The following SLC25A27 variants were observed in gnomAD, a reference collection of about 807,000 sequenced individuals.
SLC25A27 encodes mitochondrial uncoupling protein 4.
In SLC25A27, 35 loss-of-function variants were observed where a neutral mutation model predicts 49.1. The ratio of observed to expected loss-of-function variants is 0.71; its 90% CI spans 0.54 to 0.95. The LOEUF (loss-of-function observed/expected upper bound fraction) is 0.95. SLC25A27 is among the 40% of genes least tolerant of loss of function. SLC25A27 has a pLI of 0.00. For missense variants in SLC25A27, 339 were observed against 397.1 expected, an observed-to-expected ratio of 0.85 and a Z score of 1.24; for synonymous variants, 144 against 136.9, an observed-to-expected ratio of 1.05 and a Z score of -0.36.
chr6:46,674,591 T>C (rs1287721663), intron 8 of SLC25A27, among the ~76,000 whole-genome samples: 1 of 152,166 alleles, frequency 6.6e-6, no homozygotes, highest in Non-Finnish European at 1.5e-5. Flanking sequence ...AGAAACCTAA[T>C]TCATGAGCAT....
intron 6 of SLC25A27, 72 bp downstream of exon 6, chr6:46,668,865 C>A: frequency 1.2e-6 from 1 of 859,368 alleles, no homozygotes; most frequent in Non-Finnish European, 1.9e-6. Flanking sequence ...GACATAAATT[C>A]TTTAGGCTCA....
In SLC25A27 at chr6:46,655,535, G is replaced by GTTTTTTTTTTT. The variant is rs773585919; in HGVS notation, c.107-280_107-270dup. Among the ~76,000 whole-genome samples, 25 of 10,692 alleles carry GTTTTTTTTTTT rather than the reference G, an allele frequency of 2.3e-3. 3 individuals carry two copies. Among genetic ancestry groups the GTTTTTTTTTTT allele is most frequent in the Non-Finnish European group, 3.9e-3 (19 of 4,928 alleles). The allele number at this position is 10,692 out of a possible 152,430, so 7.0% of individuals were successfully genotyped here. On this transcript the variant is annotated intron_variant, in intron 1 of 8. Coordinates refer to ENST00000371347, the MANE Select transcript of SLC25A27 (RefSeq NM_004277.5). ...ATTTTAATTTTTATTGTTAATGTTTGTTTTTTTTTTTTTTTTTTTTTTTTT... is the reference window on the plus strand; with the variant it reads ...ATTTTAATTTTTATTGTTAATGTTTGTTTTTTTTTTTTTTTTTTTTTTTTTTTTTTTTTTTT...
intron 2 of SLC25A27, among the ~76,000 whole-genome samples, chr6:46,657,309 A>G (rs997041925): frequency 6.6e-6 from 1 of 152,052 alleles, no homozygotes; most frequent in African/African-American, 2.4e-5. Flanking sequence ...CTAAAAATAC[A>G]AAAATTAGCC....
At chr6:46,658,915 A>G (rs1444598961) in intron 2 of SLC25A27, 47 bp from the exon 3 acceptor site, 8 of 1,232,024 alleles carry the variant, frequency 6.5e-6, no homozygotes, top group Non-Finnish European at 9.6e-6. Context: ...ATAAGCATAT[A>G]GATACATATA....
chr6:46,662,480 T>G lies in SLC25A27; in HGVS notation c.488T>G (p.Leu163Arg). The change falls in exon 4 of 9, where the codon CTG (leucine) becomes CGG (arginine). Residue 163 changes from leucine to arginine, a missense_variant. Transcript: ENST00000371347. ...VQMQMEGKRK[L>R]EGKPLRFRGV... ...ATGCAAATGGAAGGAAAAAGGAAAC[T>G]GGAAGGAAAACCATTGCGGTAAGTT... 1.2e-6 allele frequency: 2 copies of G among 1,613,946 alleles called. No individual in the cohort carries two copies. The highest frequency in any genetic ancestry group is 1.7e-6 in the Non-Finnish European group (2 of 1,179,920).
At chr6:46,666,483 C>G (rs555435701) in intron 5 of SLC25A27, among the ~76,000 whole-genome samples, 2 of 152,114 alleles carry the variant, frequency 1.3e-5, no homozygotes, top group African/African-American at 4.8e-5. Flanking sequence ...AATATAGCAC[C>G]TAAACATCAA....
At chr6:46,664,424 C>A (rs1055296676) in intron 4 of SLC25A27, among the ~76,000 whole-genome samples, 1 of 151,982 alleles carries the variant, frequency 6.6e-6, no homozygotes. Flanking sequence ...TAAAATTAAC[C>A]CAGAATCTGA....
At chr6:46,670,386 A>G (rs1763486125) in intron 7 of SLC25A27, 159 bp downstream of exon 7, 1 of 581,442 alleles carries the variant, frequency 1.7e-6, no homozygotes, top group African/African-American at 1.9e-5. Flanking sequence ...TCTTTGATGA[A>G]AAAGTGACAT....
chr6:46,653,975 T>C (rs1762873538), intron 1 of SLC25A27: 1 of 701,266 alleles, frequency 1.4e-6, no homozygotes, highest in African/African-American at 1.9e-5. Flanking sequence ...AGAAAGACAA[T>C]TATAATGTGC....
chr6:46,656,377 G>T (rs1181045653), intron 2 of SLC25A27, among the ~76,000 whole-genome samples: 2 of 143,756 alleles, frequency 1.4e-5, no homozygotes, highest in African/African-American at 5.2e-5. Flanking sequence ...AGAGAGTCTC[G>T]CTCTGTTGCC....
chr6:46,656,845 C>G (rs1260931863), intron 2 of SLC25A27, among the ~76,000 whole-genome samples: 1 of 152,162 alleles, frequency 6.6e-6, no homozygotes, highest in South Asian at 2.1e-4. Context: ...ATCTGTAAAC[C>G]ACTTTAAAAT....
rs1235342530 is a variant in SLC25A27 at position 46,677,781 on chromosome 6, T to G, written c.*1327T>G. ...GGCCTTGGAGCCAGCCAAACAGAAT[T>G]TGTTCTAATGGACATGGATGATGTT... On this transcript the variant is annotated 3_prime_UTR_variant, in exon 9 of 9. Coordinates refer to ENST00000371347, the MANE Select transcript of SLC25A27 (RefSeq NM_004277.5). 6.6e-6 allele frequency: 1 copy of G among 152,540 alleles called. No individual in the cohort carries two copies. Among genetic ancestry groups the G allele is most frequent in the South Asian group, 2.1e-4 (1 of 4,830 alleles). The allele number at this position is 152,540 out of a possible 1,614,324, so 9.4% of individuals were successfully genotyped here.
chr6:46,655,791 G>A lies in SLC25A27; in HGVS notation c.107-52G>A, dbSNP rs979771669. Reference sequence around the variant, plus strand: ...ATTACTCCTATGATTTTAGATTTTTGTTTGTTTCTCTGAATGTTGTGGGTT... The same window carrying A: ...ATTACTCCTATGATTTTAGATTTTTATTTGTTTCTCTGAATGTTGTGGGTT... On this transcript the variant is annotated intron_variant, in intron 1 of 8. Coordinates refer to ENST00000371347, the MANE Select transcript of SLC25A27 (RefSeq NM_004277.5). 7 of 1,512,130 alleles carry A rather than the reference G, an allele frequency of 4.6e-6. No individual in the cohort carries two copies. The African/African-American group carries it at 8.4e-5, about 18-fold the overall frequency. 93.7% of individuals were successfully genotyped at this position (1,512,130 alleles called of 1,614,324 possible). A position where few individuals can be genotyped will look rare whatever the true frequency, so the allele number is the denominator to read the frequency against.
At position 46,663,910 on chromosome 6, in the gene SLC25A27, A is replaced by G. The variant is rs538441065; in HGVS notation, c.507-864A>G. On this transcript the variant is annotated intron_variant, in intron 4 of 8. Transcript: ENST00000371347. Reference sequence around the variant, plus strand: ...TTATATACCTCACAGAATTTTCAGTATTAACATGCATCTCATGTATATTAA... The same window carrying G: ...TTATATACCTCACAGAATTTTCAGTGTTAACATGCATCTCATGTATATTAA... Among the ~76,000 whole-genome samples the G allele has an allele frequency of 3.9e-5, 6 of 152,356 alleles. No homozygotes were observed. The East Asian group carries it at 1.2e-3, about 29-fold the overall frequency.
chr6:46,659,747 C>G, intron 3 of SLC25A27, among the ~76,000 whole-genome samples: 1 of 151,762 alleles, frequency 6.6e-6, no homozygotes. Flanking sequence ...CCAAGCTACA[C>G]AGGAGGCTGA....
At chr6:46,656,853 A>T (rs1762999407) in intron 2 of SLC25A27, among the ~76,000 whole-genome samples, 1 of 152,236 alleles carries the variant, frequency 6.6e-6, no homozygotes, top group Non-Finnish European at 1.5e-5. Context: ...ACCACTTTAA[A>T]ATATTTAATT....
At chr6:46,665,815 C>G (rs1763307999) in intron 5 of SLC25A27, among the ~76,000 whole-genome samples, 2 of 152,172 alleles carry the variant, frequency 1.3e-5, no homozygotes, top group Admixed American at 1.3e-4. Flanking sequence ...AACTTGTCTC[C>G]TCTTCCATCC....
At position 46,671,248 on chromosome 6, in the gene SLC25A27, CTTTG is replaced by C; in HGVS notation, c.900+24_900+27del. On this transcript the variant is annotated intron_variant, in intron 8 of 8. Coordinates refer to ENST00000371347, the MANE Select transcript of SLC25A27 (RefSeq NM_004277.5). ...AGAATGGTAAAGTTAGGTTTACTTC[CTTTG>C]TTTTTTTTCTTTGTACTTAAATTAC... The C allele has an allele frequency of 7.3e-7, 1 of 1,371,458 alleles. No homozygotes were observed. Among genetic ancestry groups the C allele is most frequent in the South Asian group, 1.4e-5 (1 of 73,964 alleles). 85.0% of individuals were successfully genotyped at this position (1,371,458 alleles called of 1,614,324 possible).
chr6:46,661,065 A>T (rs1433487097), intron 3 of SLC25A27, among the ~76,000 whole-genome samples: 1 of 152,220 alleles, frequency 6.6e-6, no homozygotes, highest in Non-Finnish European at 1.5e-5. Context: ...AAAAAGAAAC[A>T]GTCCTGCCGT....
Sources: allele counts gnomAD v4.1 joint callset (sites outside exome capture counted in the v4.1 genomes callset), GRCh38; gene constraint gnomAD v4.1.1; transcripts MANE v1.5; gene names NCBI Gene and HGNC (gene_info 2026-07-23, HGNC 2026-07-21).